OSGIN1: variants seen among roughly 807,000 people sequenced by gnomAD.
OSGIN1 encodes the protein oxidative stress-induced growth inhibitor 1.
A neutral mutation model predicts 20.1 loss-of-function variants in OSGIN1; 19 were observed. The ratio of observed to expected loss-of-function variants is 0.95; its 90% confidence interval spans 0.66 to 1.39. The LOEUF (loss-of-function observed/expected upper bound fraction) is 1.39. Among genes scored for constraint, OSGIN1 ranks in the 40% most tolerant of loss-of-function variants. The probability of loss-of-function intolerance (pLI) is 0.00; values close to 1 mark genes in which losing one functional copy is unlikely to be tolerated. For missense variants in OSGIN1, 820 were observed against 653.0 expected (o/e 1.26, Z -2.79); for synonymous variants, 368 against 297.8 (o/e 1.24, Z -2.43).
Position 83,957,647 on chromosome 16 carries a change from G to T in OSGIN1, c.-25G>T. On this transcript the variant is annotated 5_prime_UTR_variant, in exon 2 of 6. Coordinates refer to ENST00000393306, the MANE Select transcript of OSGIN1 (RefSeq NM_182981.3). The stretch of plus-strand genomic sequence containing the variant: ...CCCTCTCCCCCACTCCAGGTCCGCT[G>T]CCAGCCCCAAGCCCCCCACCAGCCA... 1.2e-5 allele frequency: 19 copies of T among 1,579,096 alleles called. No homozygotes were observed. The highest frequency in any genetic ancestry group is 1.6e-5 in the Non-Finnish European group (19 of 1,158,166).
intron 5 of OSGIN1, among the ~76,000 whole-genome samples, chr16:83,962,147 G>T (rs1014352930): frequency 6.6e-6 from 1 of 151,964 alleles, no homozygotes; most frequent in African/African-American, 2.4e-5. Flanking sequence ...TCCCCATCTG[G>T]CTTCCTGCCC....
chr16:83,953,415 C>T lies in OSGIN1; in HGVS notation c.-33+45C>T, dbSNP rs376248613. ...TTCCGGGGCAGGGAATCAGGCACAT[C>T]CCAGGCACCCGTGGCAAGCCCAGCT... On this transcript the variant is annotated intron_variant, in intron 1 of 5. Transcript: ENST00000393306. 1,523 of 1,283,616 alleles carry T rather than the reference C, an allele frequency of 1.2e-3. 20 individuals are homozygous for T. In the South Asian group the frequency reaches 0.016, roughly 14 times the overall value. The allele number at this position is 1,283,616 out of a possible 1,614,324, so 79.5% of individuals were successfully genotyped here. A position where few individuals can be genotyped will look rare whatever the true frequency, so the allele number is the denominator to read the frequency against.
At chr16:83,958,762 A>C (rs1262813189) in intron 2 of OSGIN1, among the ~76,000 whole-genome samples, 1 of 152,146 alleles carries the variant, frequency 6.6e-6, no homozygotes, top group East Asian at 1.9e-4. Context: ...GAGCGCCCAC[A>C]AGCACCCACC....
intron 5 of OSGIN1, 163 bp downstream of exon 5, chr16:83,961,235 C>G (rs999720747): frequency 5.1e-5 from 31 of 610,586 alleles, no homozygotes; most frequent in South Asian, 9.7e-5. Flanking sequence ...CCAAGGTGAT[C>G]CGGCACAGCT....
In OSGIN1 at chr16:83,965,634, C is replaced by A; in HGVS notation, c.1061C>A (p.Pro354His). The change falls in exon 6 of 6, where the codon CCC becomes CAC. Residue 354 changes from proline to histidine, a missense_variant. Transcript: ENST00000393306. ...GAGCAGTCCATCCTGTCGCCCAGCC[C>A]CTATGAGGGTTACCGCAGCCTCCCC... The part of the protein sequence containing the change: ...MREQSILSPS[P>H]YEGYRSLPRH... 6.2e-7 allele frequency: 1 copy of A among 1,613,326 alleles called. No individual in the cohort carries two copies. Among genetic ancestry groups the A allele is most frequent in the South Asian group, 1.1e-5 (1 of 91,078 alleles).
At position 83,965,350 on chromosome 16, in the gene OSGIN1, G is replaced by A. The variant is rs1319630836; in HGVS notation, c.777G>A (p.Gly259=). The change falls in exon 6 of 6, where the codon GGG becomes GGA. Residue 259 remains glycine, a synonymous_variant. Coordinates refer to ENST00000393306, the MANE Select transcript of OSGIN1 (RefSeq NM_182981.3). ...GCCCGGCCCGGCTGGGCATCCCCGG[G>A]GAGGCCCTGCCCTTCATCCACCATG... ...FDSPARLGIP[G]EALPFIHHEL... The A allele has an allele frequency of 6.4e-7, 1 of 1,571,716 alleles. No homozygotes were observed. Among genetic ancestry groups the A allele is most frequent in the Non-Finnish European group, 8.6e-7 (1 of 1,160,874 alleles).
rs111351826 is a variant in OSGIN1 at position 83,961,138 on chromosome 16, G to A, written c.488+66G>A. ...GGGCCTGTGAACCCAGAAAATCTGA[G>A]ACAGGTCTCAGTTAATTTAGAAAGT... On this transcript the variant is annotated intron_variant, in intron 5 of 5. Transcript: ENST00000393306. 3.8e-3 allele frequency: 4,686 copies of A among 1,239,396 alleles called. 93 individuals are homozygous for A. In the African/African-American group the frequency reaches 0.048, roughly 13 times the overall value. The allele number at this position is 1,239,396 out of a possible 1,614,324, so 76.8% of individuals were successfully genotyped here.
intron 5 of OSGIN1, among the ~76,000 whole-genome samples, chr16:83,962,337 C>G (rs1454791391): frequency 6.6e-6 from 1 of 152,214 alleles, no homozygotes; most frequent in East Asian, 1.9e-4. Context: ...CTCCCAGGTT[C>G]AAGCCATTCT....
chr16:83,959,268 C>A lies in OSGIN1; in HGVS notation c.76C>A (p.Pro26Thr). 6.2e-7 allele frequency: 1 copy of A among 1,613,528 alleles called. No individual in the cohort carries two copies. Among genetic ancestry groups the A allele is most frequent in the Non-Finnish European group, 8.5e-7 (1 of 1,179,784 alleles). The change falls in exon 3 of 6, where the codon CCC becomes ACC. Residue 26 changes from proline (P) to threonine (T), a missense_variant. Physicochemically the swap from Pro to Thr is conservative, Grantham distance 38 (BLOSUM62 -1). Transcript: ENST00000393306. ...PLPVIIVGNG[P>T]SGICLSYLLS... ...CCACCCTCTCTCCCCAGGTAACGGCCCCTCTGGTATCTGCCTGTCCTACCT... is the reference window on the plus strand; with the variant it reads ...CCACCCTCTCTCCCCAGGTAACGGCACCTCTGGTATCTGCCTGTCCTACCT...
In OSGIN1 at chr16:83,955,633, C is replaced by G. The variant is rs146530698; in HGVS notation, c.-32-2007C>G. 4.3e-3 allele frequency among the ~76,000 whole-genome samples: 657 copies of G among 152,318 alleles called. 5 individuals carry two copies. Among genetic ancestry groups the G allele is most frequent in the African/African-American group, 0.015 (635 of 41,556 alleles). ...CGTGTATTAAGTGTTGAGATCATGC[C>G]TGGCACCCAGCCCACTCCACAGAAG... On this transcript the variant is annotated intron_variant, in intron 1 of 5. Coordinates refer to ENST00000393306, the MANE Select transcript of OSGIN1 (RefSeq NM_182981.3).
intron 1 of OSGIN1, among the ~76,000 whole-genome samples, chr16:83,955,608 C>T (rs1233748097): frequency 3.3e-5 from 5 of 152,198 alleles, no homozygotes; most frequent in South Asian, 2.1e-4. Flanking sequence ...AATTTGTTAA[C>T]GTGTATTAAG....
chr16:83,965,926 C>T lies in OSGIN1; in HGVS notation c.1353C>T (p.Asp451=). ...ACGCCATGGGGCCGCTGGCCGGGGA[C>T]AACTTCGTGAGGTTTGTGCAGGGGG... is the stretch of plus-strand genomic sequence containing the variant. The part of the protein sequence containing the change: ...GLYAMGPLAG[D]NFVRFVQGGA... Residue 451 remains aspartate (D), a synonymous_variant, in exon 6 of 6, where the codon GAC becomes GAT. Transcript: ENST00000393306. The T allele has an allele frequency of 1.2e-6, 2 of 1,612,638 alleles. No individual in the cohort carries two copies. Among genetic ancestry groups the T allele is most frequent in the Non-Finnish European group, 8.5e-7 (1 of 1,179,918 alleles).
Position 83,965,704 on chromosome 16 carries a change from C to G in OSGIN1, c.1131C>G (p.Phe377Leu), listed in dbSNP as rs1397704889. 3 of 1,613,548 alleles carry G rather than the reference C, an allele frequency of 1.9e-6. No individual in the cohort carries two copies. The African/African-American group carries it at 4.0e-5, about 22-fold the overall frequency. The change falls in exon 6 of 6, where the codon TTC becomes TTG. Residue 377 changes from phenylalanine (F) to leucine (L), a missense_variant. Phe to Leu is a conservative substitution (Grantham distance 22, BLOSUM62 0). Transcript: ENST00000393306. Reference protein sequence around the residue: ...LCFKEDCQAVFQDLEGVEKVF... With the variant: ...LCFKEDCQAVLQDLEGVEKVF... ...TCAAGGAAGACTGCCAGGCCGTGTT[C>G]CAGGACCTCGAGGGTGTCGAGAAGG...
rs200170042 is a variant in OSGIN1, at chr16:83,965,431, C to T, written c.858C>T (p.Asp286=). Residue 286 remains aspartate (D), a synonymous_variant, in exon 6 of 6, where the codon GAC becomes GAT. Transcript: ENST00000393306. ...TRVGAVTPAS[D]PVLIIGAGLS... is the part of the protein sequence containing the mutation. ...TGGGTGCGGTGACCCCGGCCTCAGA[C>T]CCTGTCCTCATCATTGGCGCGGGGC... 2.6e-5 allele frequency: 41 copies of T among 1,590,338 alleles called. No homozygotes were observed. The highest frequency in any genetic ancestry group is 3.2e-5 in the Non-Finnish European group (38 of 1,172,584).
intron 5 of OSGIN1, among the ~76,000 whole-genome samples, chr16:83,962,680 A>G (rs1490978566): frequency 6.6e-6 from 1 of 152,238 alleles, no homozygotes; most frequent in Admixed American, 6.5e-5. Context: ...CAATCACTAT[A>G]TGTAAGATGG....
At chr16:83,955,174 G>C (rs903009889) in intron 1 of OSGIN1, among the ~76,000 whole-genome samples, 1 of 152,180 alleles carries the variant, frequency 6.6e-6, no homozygotes, top group African/African-American at 2.4e-5. Context: ...CCATGATGAG[G>C]ACTGAGGGGC....
At chr16:83,958,120 G>T (rs1201660104) in intron 2 of OSGIN1, among the ~76,000 whole-genome samples, 2 of 152,134 alleles carry the variant, frequency 1.3e-5, no homozygotes, top group African/African-American at 4.8e-5. Flanking sequence ...CAAGTGATCT[G>T]CCTGCCTCAG....
intron 3 of OSGIN1, 107 bp from the exon 4 acceptor site, chr16:83,960,462 C>G (rs532585580): frequency 1.3e-5 from 11 of 846,208 alleles, no homozygotes; most frequent in African/African-American, 1.0e-4. Context: ...CCTCCAGTGC[C>G]AGGGAAATGG....
Position 83,960,645 on chromosome 16 carries a change from G to T in OSGIN1, c.281G>T (p.Arg94Leu). ...GCCCTGCTCTTTGATGCCCTTCTAC[G>T]CCCAGACACAGACTTTGGGGGAAAC... is the stretch of plus-strand genomic sequence containing the variant. ...PVALLFDALL[R>L]PDTDFGGNMK... The change falls in exon 4 of 6, where the codon CGC becomes CTC. Residue 94 changes from arginine to leucine, a missense_variant. Physicochemically the swap from Arg to Leu is moderately radical, Grantham distance 102. Coordinates refer to ENST00000393306, the MANE Select transcript of OSGIN1 (RefSeq NM_182981.3). 6.2e-7 allele frequency: 1 copy of T among 1,613,512 alleles called. No homozygotes were observed. The highest frequency in any genetic ancestry group is 8.5e-7 in the Non-Finnish European group (1 of 1,180,018).
Sources: allele counts gnomAD v4.1 joint callset (sites outside exome capture counted in the v4.1 genomes callset), GRCh38; gene constraint gnomAD v4.1.1; transcripts MANE v1.5; gene names NCBI Gene and HGNC (gene_info 2026-07-23, HGNC 2026-07-21).